EXOC6: variants seen among roughly 807,000 people sequenced by gnomAD.
EXOC6 encodes the protein SEC15-like 1.
Under a neutral mutation model 112.5 loss-of-function variants are expected in EXOC6, and 60 were observed. That is an observed-to-expected ratio of 0.53 (90% CI 0.43 to 0.66). EXOC6 has a LOEUF of 0.66. Among genes scored for constraint, EXOC6 ranks in the 30% least tolerant of loss-of-function variants. The pLI, the probability that EXOC6 is intolerant of heterozygous loss-of-function variation, is 0.00. For synonymous variants in EXOC6, 295 were observed against 308.0 expected (o/e 0.96, Z 0.44); for missense variants, 855 against 957.1 (o/e 0.89, Z 1.41).
In EXOC6 at chr10:92,863,334, G is replaced by A. The variant is rs149267808; in HGVS notation, c.101+14700G>A. Among the ~76,000 whole-genome samples, 6 of 152,298 alleles carry A rather than the reference G, an allele frequency of 3.9e-5. No individual in the cohort carries two copies. In the East Asian group the frequency reaches 1.2e-3, roughly 29 times the overall value. Reference sequence around the variant, plus strand: ...GAAGGCTAAGCATCTCTTTTAATTTGATAACTCTTCCCATGCAATTTTTAC... The same window carrying A: ...GAAGGCTAAGCATCTCTTTTAATTTAATAACTCTTCCCATGCAATTTTTAC... On this transcript the variant is annotated intron_variant, in intron 1 of 21. Coordinates refer to ENST00000260762, the MANE Select transcript of EXOC6 (RefSeq NM_019053.6).
intron 9 of EXOC6, among the ~76,000 whole-genome samples, chr10:92,930,253 A>G (rs1196694784): frequency 2.6e-5 from 4 of 152,238 alleles, no homozygotes; most frequent in African/African-American, 9.6e-5. Flanking sequence ...CTGTAATCCC[A>G]GCGCTTTGGG....
chr10:92,969,249 A>G (rs1842189500), intron 17 of EXOC6, among the ~76,000 whole-genome samples: 1 of 152,148 alleles, frequency 6.6e-6, no homozygotes, highest in Admixed American at 6.5e-5. Context: ...GAAACACTAA[A>G]GTGCTTGGCT....
At chr10:92,854,360 C>T (rs569725503) in intron 1 of EXOC6, among the ~76,000 whole-genome samples, 3 of 151,840 alleles carry the variant, frequency 2.0e-5, no homozygotes, top group East Asian at 3.9e-4. Context: ...TCACTTGAAC[C>T]TGGGAGGCGG....
At chr10:92,995,517 A>G (rs1843447146) in intron 18 of EXOC6, among the ~76,000 whole-genome samples, 1 of 152,178 alleles carries the variant, frequency 6.6e-6, no homozygotes, top group Admixed American at 6.5e-5. Flanking sequence ...AGCACATTAA[A>G]CTAAAATGCA....
chr10:92,932,115 C>T lies in EXOC6; in HGVS notation c.973-2029C>T, dbSNP rs114427329. On this transcript the variant is annotated intron_variant, in intron 9 of 21. Transcript: ENST00000260762. ...GTATGTTTTATATAATGGAACTACTCGGCACTAAAAGGGAATTGATACATG... is the reference window on the plus strand; with the variant it reads ...GTATGTTTTATATAATGGAACTACTTGGCACTAAAAGGGAATTGATACATG... Among the ~76,000 whole-genome samples, 512 of 151,930 alleles carry T rather than the reference C, an allele frequency of 3.4e-3. 2 individuals are homozygous for T. Among genetic ancestry groups the T allele is most frequent in the African/African-American group, 0.012 (487 of 41,458 alleles).
chr10:92,954,536 A>T, intron 15 of EXOC6, 94 bp from the exon 16 acceptor site: 1 of 558,730 alleles, frequency 1.8e-6, no homozygotes, highest in Non-Finnish European at 3.0e-6. Context: ...ATGATGGGGA[A>T]AATTATTTTA....
chr10:92,988,257 C>T (rs1843088780), intron 18 of EXOC6, among the ~76,000 whole-genome samples: 1 of 152,090 alleles, frequency 6.6e-6, no homozygotes, highest in East Asian at 1.9e-4. Flanking sequence ...TCGTATTTTG[C>T]TTTTTTTCCG....
chr10:92,841,708 A>C (rs573866518), intron 1 of EXOC6, among the ~76,000 whole-genome samples: 11 of 152,216 alleles, frequency 7.2e-5, no homozygotes, highest in Non-Finnish European at 1.6e-4. Flanking sequence ...TTAGGAGCCA[A>C]ATATTCCAAC....
At chr10:92,834,943 G>A (rs764781340) in intron 1 of EXOC6, 6 of 500,236 alleles carry the variant, frequency 1.2e-5, no homozygotes, top group East Asian at 3.1e-5. Flanking sequence ...TTACAGTTCT[G>A]TATATACTTA....
chr10:92,924,771 A>C lies in EXOC6; in HGVS notation c.889-3568A>C, dbSNP rs149195831. On this transcript the variant is annotated intron_variant, in intron 8 of 21. Coordinates refer to ENST00000260762, the MANE Select transcript of EXOC6 (RefSeq NM_019053.6). ...GTAATGAAGTCTAGGCTTTTAGTGTACTTGTCACCTGAATAGTGTACATTG... is the reference window on the plus strand; with the variant it reads ...GTAATGAAGTCTAGGCTTTTAGTGTCCTTGTCACCTGAATAGTGTACATTG... Among the ~76,000 whole-genome samples the C allele has an allele frequency of 1.3e-4, 20 of 152,216 alleles. No individual in the cohort carries two copies. The East Asian group carries it at 3.9e-3, about 29-fold the overall frequency.
intron 18 of EXOC6, among the ~76,000 whole-genome samples, chr10:92,979,444 CT>C (rs1842750093): frequency 6.6e-6 from 1 of 152,184 alleles, no homozygotes; most frequent in African/African-American, 2.4e-5. Flanking sequence ...ATTTTGTTCT[CT>C]GCTCACAGGA....
At chr10:92,847,632 G>A (rs1210071431), upstream of EXOC6, among the ~76,000 whole-genome samples, 1 of 152,050 alleles carries the variant, frequency 6.6e-6, no homozygotes, top group Non-Finnish European at 1.5e-5. Flanking sequence ...TGACAAACTG[G>A]TTTACTCAGT....
chr10:92,828,717 TG>T (rs1846424577), intron 1 of EXOC6, among the ~76,000 whole-genome samples: 1 of 70,544 alleles, frequency 1.4e-5, no homozygotes, highest in Admixed American at 1.6e-4. Flanking sequence ...TGTGTGTGTG[TG>T]TGTGTGTGTG....
At chr10:92,981,799 A>G (rs571931604) in intron 18 of EXOC6, among the ~76,000 whole-genome samples, 2 of 152,252 alleles carry the variant, frequency 1.3e-5, no homozygotes, top group Non-Finnish European at 2.9e-5. Context: ...CATTAATGGA[A>G]GTGGTATGAT....
chr10:92,961,106 C>A (rs952587768), intron 17 of EXOC6, among the ~76,000 whole-genome samples: 1 of 152,000 alleles, frequency 6.6e-6, no homozygotes, highest in Admixed American at 6.6e-5. Context: ...GTATTATTGG[C>A]AGTTTAAAAT....
chr10:92,983,076 T>C (rs974178217), intron 18 of EXOC6, among the ~76,000 whole-genome samples: 5 of 152,234 alleles, frequency 3.3e-5, no homozygotes, highest in African/African-American at 1.2e-4. Flanking sequence ...ATCTTGAAAT[T>C]TTTGAGATTT....
Position 92,967,878 on chromosome 10 carries a change from G to C in EXOC6, c.1774-6175G>C, listed in dbSNP as rs149512018. On this transcript the variant is annotated intron_variant, in intron 17 of 21. Transcript: ENST00000260762. The stretch of plus-strand genomic sequence containing the variant: ...CTTCTGGAATTACTGCCTCTCTTCA[G>C]TTGTGTAGTGAACTATATTCATCTG... Among the ~76,000 whole-genome samples the C allele has an allele frequency of 2.2e-4, 34 of 152,314 alleles. 1 individual carries two copies. In the East Asian group the frequency reaches 6.2e-3, roughly 28 times the overall value.
intron 7 of EXOC6, among the ~76,000 whole-genome samples, chr10:92,917,887 C>T (rs1481316158): frequency 1.3e-5 from 2 of 152,190 alleles, no homozygotes; most frequent in Non-Finnish European, 2.9e-5. Flanking sequence ...TGCCGTGGCT[C>T]ATGCCTGTGA....
At position 92,848,537 on chromosome 10, in the gene EXOC6, G is replaced by A. The variant is rs1847153825; in HGVS notation, c.4G>A (p.Ala2Thr). The A allele has an allele frequency of 7.1e-7, 1 of 1,403,846 alleles. No homozygotes were observed. 87.0% of individuals were successfully genotyped at this position (1,403,846 alleles called of 1,614,324 possible). M[A>T]ENSESLGTVP... ...GGCTCCTCAGCTTCCAGCCAAAATG[G>A]CGGAGAACAGCGAGAGTCTGGGCAC... Residue 2 changes from alanine to threonine, a missense_variant, in exon 1 of 22, where the codon GCG (alanine) becomes ACG (threonine). Coordinates refer to ENST00000260762, the MANE Select transcript of EXOC6 (RefSeq NM_019053.6).
Sources: allele counts gnomAD v4.1 joint callset (sites outside exome capture counted in the v4.1 genomes callset), GRCh38; gene constraint gnomAD v4.1.1; transcripts MANE v1.5; gene names NCBI Gene and HGNC (gene_info 2026-07-23, HGNC 2026-07-21).